The following DACH1 variants were observed in gnomAD, a reference collection of about 807,000 sequenced individuals.
The protein encoded by DACH1 is dachshund family transcription factor 1.
In DACH1, 12 loss-of-function variants were observed where a neutral mutation model predicts 54.2. The observed-to-expected ratio is 0.22, with a 90% CI of 0.14 to 0.36. The LOEUF is 0.36. DACH1 is among the 10% of genes least tolerant of loss of function. The pLI is 1.00. For synonymous variants in DACH1, 386 were observed against 366.2 expected (o/e 1.05, Z -0.62); for missense variants, 805 against 929.8 (o/e 0.87, Z 1.75).
intron 1 of DACH1, among the ~76,000 whole-genome samples, chr13:71,691,173 T>C (rs1881459028): frequency 6.6e-6 from 1 of 152,220 alleles, no homozygotes; most frequent in South Asian, 2.1e-4. Context: ...CTTCAGGTTA[T>C]TGTTAATTTG....
intron 1 of DACH1, among the ~76,000 whole-genome samples, chr13:71,747,821 G>A (rs1280367258): frequency 6.6e-6 from 1 of 152,054 alleles, no homozygotes; most frequent in Non-Finnish European, 1.5e-5. Flanking sequence ...TTAATGAATT[G>A]TGTCCTAATG....
At chr13:71,459,313 C>T (rs1351270842) in intron 10 of DACH1, among the ~76,000 whole-genome samples, 1 of 151,868 alleles carries the variant, frequency 6.6e-6, no homozygotes, top group Admixed American at 6.6e-5. Flanking sequence ...ATATTGATAG[C>T]AGTCTGGAAG....
chr13:71,741,024 A>C (rs1378997444), intron 1 of DACH1, among the ~76,000 whole-genome samples: 1 of 152,136 alleles, frequency 6.6e-6, no homozygotes, highest in Non-Finnish European at 1.5e-5. Flanking sequence ...GTAGCAATAT[A>C]CTCTCAAGAT....
chr13:71,560,389 A>G (rs1434465416), intron 4 of DACH1, among the ~76,000 whole-genome samples: 3 of 152,192 alleles, frequency 2.0e-5, no homozygotes, highest in Non-Finnish European at 2.9e-5. Context: ...ATGACTGACC[A>G]TAATAATAAT....
intron 10 of DACH1, among the ~76,000 whole-genome samples, chr13:71,448,334 T>TA (rs1364105662): frequency 6.6e-6 from 1 of 152,150 alleles, no homozygotes; most frequent in East Asian, 1.9e-4. Flanking sequence ...TCTCTCAACA[T>TA]AATGTCTTCA....
intron 1 of DACH1, among the ~76,000 whole-genome samples, chr13:71,862,624 T>C (rs1387954922): frequency 2.6e-5 from 4 of 152,070 alleles, no homozygotes; most frequent in African/African-American, 9.7e-5. Flanking sequence ...CACCTCCTTG[T>C]GGTAATGACA....
chr13:71,552,443 A>T (rs1883875915), intron 6 of DACH1, among the ~76,000 whole-genome samples: 2 of 152,032 alleles, frequency 1.3e-5, no homozygotes, highest in South Asian at 4.1e-4. Context: ...TCGTATAATA[A>T]CAAAAATGTA....
chr13:71,855,757 C>A (rs891772224), intron 1 of DACH1, among the ~76,000 whole-genome samples: 1 of 151,948 alleles, frequency 6.6e-6, no homozygotes, highest in African/African-American at 2.4e-5. Flanking sequence ...GATACATAAC[C>A]ATTTAAAGTG....
At chr13:71,538,695 A>C (rs991532054) in intron 6 of DACH1, among the ~76,000 whole-genome samples, 28 of 152,250 alleles carry the variant, frequency 1.8e-4, no homozygotes, top group Non-Finnish European at 4.0e-4. Flanking sequence ...AAATGCAAAC[A>C]GCATAGTACA....
intron 6 of DACH1, among the ~76,000 whole-genome samples, chr13:71,548,889 C>A (rs1290358089): frequency 1.3e-5 from 2 of 151,902 alleles, no homozygotes; most frequent in Admixed American, 6.6e-5. Context: ...TGCACTCCAG[C>A]CTGGGCAACA....
chr13:71,516,694 A>G (rs1258583965), intron 6 of DACH1, among the ~76,000 whole-genome samples: 1 of 151,870 alleles, frequency 6.6e-6, no homozygotes, highest in Non-Finnish European at 1.5e-5. Context: ...AGTCAAGTAC[A>G]ACAGCCGCTC....
At chr13:71,494,917 C>T (rs922673489) in intron 6 of DACH1, among the ~76,000 whole-genome samples, 1 of 151,958 alleles carries the variant, frequency 6.6e-6, no homozygotes, top group Admixed American at 6.6e-5. Context: ...TCACACATAA[C>T]AATTTAGCAG....
At chr13:71,829,053 G>C (rs73215272) in intron 1 of DACH1, among the ~76,000 whole-genome samples, 14,096 of 151,962 alleles carry the variant, frequency 0.093, 709 homozygotes, top group Non-Finnish European at 0.11. Context: ...ACTAACGTAA[G>C]AAAGTTAAAA....
chr13:71,557,842 TA>T (rs569104411), intron 5 of DACH1, among the ~76,000 whole-genome samples: 1,674 of 87,990 alleles, frequency 0.019, 13 homozygotes, highest in East Asian at 0.04. Context: ...TGGCCTGTAC[TA>T]AAAAAAAAAA....
intron 1 of DACH1, among the ~76,000 whole-genome samples, chr13:71,750,780 A>G (rs1884887140): frequency 6.6e-6 from 1 of 152,230 alleles, no homozygotes; most frequent in African/African-American, 2.4e-5. Flanking sequence ...AATCATTACA[A>G]TAAGAAAACA....
intron 1 of DACH1, among the ~76,000 whole-genome samples, chr13:71,772,246 A>G (rs1566490773): frequency 6.6e-6 from 1 of 151,768 alleles, no homozygotes; most frequent in Admixed American, 6.6e-5. Context: ...ACTAAGGAAT[A>G]GACAATGGGT....
chr13:71,621,167 A>G (rs991028466), intron 3 of DACH1, among the ~76,000 whole-genome samples: 25 of 151,924 alleles, frequency 1.6e-4, no homozygotes, highest in Admixed American at 5.9e-4. Context: ...TATTACTCCC[A>G]GCCTACAAAT....
chr13:71,827,926 C>T (rs1028966816), intron 1 of DACH1, among the ~76,000 whole-genome samples: 2 of 151,970 alleles, frequency 1.3e-5, no homozygotes, highest in African/African-American at 4.8e-5. Flanking sequence ...TGGACAATAA[C>T]AAAGAATAGT....
intron 3 of DACH1, among the ~76,000 whole-genome samples, chr13:71,594,070 G>T (rs905293002): frequency 1.3e-5 from 2 of 151,034 alleles, no homozygotes; most frequent in Admixed American, 1.3e-4. Flanking sequence ...TCATAACTTG[G>T]TGTTTTAAAT....
Sources: allele counts gnomAD v4.1 joint callset (sites outside exome capture counted in the v4.1 genomes callset), GRCh38; gene constraint gnomAD v4.1.1; transcripts MANE v1.5; gene names NCBI Gene and HGNC (gene_info 2026-07-23, HGNC 2026-07-21).